Variants in NEK11 observed in about 807,000 individuals in gnomAD.
NEK11 encodes the protein NIMA related kinase 11, also known as serine/threonine-protein kinase Nek11.
NEK11 carries 72 observed loss-of-function variants against 80.7 expected under a neutral mutation model. That is an observed-to-expected ratio of 0.89 (90% CI 0.74 to 1.08). NEK11 has a LOEUF of 1.08. Among genes scored for constraint, NEK11 ranks in the 50% least tolerant of loss-of-function variants. The probability of loss-of-function intolerance (pLI) is 0.00; values close to 1 mark genes in which losing one functional copy is unlikely to be tolerated. For synonymous variants in NEK11, 251 were observed against 260.7 expected (o/e 0.96, Z 0.36); for missense variants, 764 against 763.6 (o/e 1.00, Z -0.01).
intron 5 of NEK11, among the ~76,000 whole-genome samples, chr3:131,122,476 G>A (rs2082554749): frequency 6.6e-6 from 1 of 152,196 alleles, no homozygotes; most frequent in African/African-American, 2.4e-5. Context: ...TGTTAGTGAG[G>A]GGAATGAGAC....
rs376748739 is a variant in NEK11 at position 131,198,599 on chromosome 3, G to A, written c.1399+27712G>A. 1.6e-4 allele frequency among the ~76,000 whole-genome samples: 24 copies of A among 152,240 alleles called. No individual in the cohort carries two copies. The South Asian group carries it at 1.9e-3, about 12-fold the overall frequency. On this transcript the variant is annotated intron_variant, in intron 14 of 17. Transcript: ENST00000383366. ...AAGACTGCTACTGTCGCCAATACCC[G>A]TAAACAATGTGGCCAACTCTTTGCC... is the stretch of plus-strand genomic sequence containing the variant.
chr3:131,326,440 T>C (rs2096967714), intron 17 of NEK11, among the ~76,000 whole-genome samples: 1 of 152,172 alleles, frequency 6.6e-6, no homozygotes, highest in Non-Finnish European at 1.5e-5. Flanking sequence ...CCCACCACAG[T>C]TGGTGACTCT....
At chr3:131,312,985 C>G (rs2096796676) in intron 17 of NEK11, among the ~76,000 whole-genome samples, 1 of 152,108 alleles carries the variant, frequency 6.6e-6, no homozygotes, top group Non-Finnish European at 1.5e-5. Flanking sequence ...CCACCCTCCA[C>G]CTTCTAGTAG....
At chr3:131,317,943 C>T (rs1460021143) in intron 17 of NEK11, among the ~76,000 whole-genome samples, 2 of 152,064 alleles carry the variant, frequency 1.3e-5, no homozygotes, top group African/African-American at 4.8e-5. Context: ...CTCAGTATGT[C>T]TGACTTGCTC....
chr3:131,113,709 G>C lies in NEK11; in HGVS notation c.455+3788G>C, dbSNP rs7636723. Among the ~76,000 whole-genome samples the C allele has an allele frequency of 8.0e-3, 1,223 of 152,130 alleles. 21 individuals carry two copies. Among genetic ancestry groups the C allele is most frequent in the African/African-American group, 0.028 (1,157 of 41,508 alleles). On this transcript the variant is annotated intron_variant, in intron 5 of 17. Coordinates refer to ENST00000383366, the MANE Select transcript of NEK11 (RefSeq NM_024800.5). ...GGGTGGATCACAAGGTTAGGAGTTT[G>C]AGACTAGCCTGGCCGACATAGTGAA...
At chr3:131,307,609 C>A (rs1018896725) in intron 17 of NEK11, among the ~76,000 whole-genome samples, 1 of 152,086 alleles carries the variant, frequency 6.6e-6, no homozygotes, top group African/African-American at 2.4e-5. Context: ...GTGTGCTGAC[C>A]ATAGTTGTTG....
chr3:131,065,505 A>G (rs2071753058), intron 3 of NEK11, among the ~76,000 whole-genome samples: 1 of 152,188 alleles, frequency 6.6e-6, no homozygotes, highest in African/African-American at 2.4e-5. Flanking sequence ...AAGTGTAATG[A>G]TACTAAAATC....
intron 3 of NEK11, among the ~76,000 whole-genome samples, chr3:131,057,156 A>C (rs1200784983): frequency 6.7e-6 from 1 of 149,486 alleles, no homozygotes; most frequent in Non-Finnish European, 1.5e-5. Flanking sequence ...TTTGTCCTTG[A>C]GATAGTTTGC....
intron 4 of NEK11, among the ~76,000 whole-genome samples, chr3:131,095,214 G>A (rs1311273414): frequency 1.3e-5 from 2 of 152,158 alleles, no homozygotes; most frequent in East Asian, 3.9e-4. Context: ...CAATTAATTG[G>A]TGTTCTGCTT....
Position 131,200,332 on chromosome 3 carries a change from A to C in NEK11, c.1400-28196A>C, listed in dbSNP as rs539642214. On this transcript the variant is annotated intron_variant, in intron 14 of 17. Transcript: ENST00000383366. ...AAAAATGTAAAAGTTTGATAATACC[A>C]AGTGTTGTTAAGGATGTGGAACTAC... is the stretch of plus-strand genomic sequence containing the variant. Among the ~76,000 whole-genome samples, 68 of 152,354 alleles carry C rather than the reference A, an allele frequency of 4.5e-4. 1 individual carries two copies. The highest frequency in any genetic ancestry group is 1.4e-3 in the Admixed American group (22 of 15,302).
chr3:131,125,846 A>AC (rs2083240214), intron 5 of NEK11, among the ~76,000 whole-genome samples: 1 of 152,236 alleles, frequency 6.6e-6, no homozygotes, highest in African/African-American at 2.4e-5. Flanking sequence ...ATATTAATAG[A>AC]AATGTGGCTC....
At chr3:131,292,264 GTTTCAT>G (rs2096551535) in intron 17 of NEK11, among the ~76,000 whole-genome samples, 1 of 152,124 alleles carries the variant, frequency 6.6e-6, no homozygotes, top group Non-Finnish European at 1.5e-5. Flanking sequence ...TTTCTGTTCT[GTTTCAT>G]TGATCTATTT....
intron 14 of NEK11, 99 bp from the exon 15 acceptor site, chr3:131,228,429 A>T (rs3737999): frequency 1.8e-6 from 2 of 1,088,286 alleles, no homozygotes; most frequent in Non-Finnish European, 2.6e-6. Flanking sequence ...AGCTTTGTCA[A>T]CGCAAGCAAA....
chr3:131,196,850 T>TC lies in NEK11; in HGVS notation c.1399+25963_1399+25964insC, dbSNP rs1299099743. On this transcript the variant is annotated intron_variant, in intron 14 of 17. Transcript: ENST00000383366. ...AAATTTCTTTTCTTTTCTTTTCTTTTTTTTTTTTTTTGCTGTTGCAAGATT... is the reference window on the plus strand; with the variant it reads ...AAATTTCTTTTCTTTTCTTTTCTTTTCTTTTTTTTTTTGCTGTTGCAAGATT... 7.9e-5 allele frequency among the ~76,000 whole-genome samples: 12 copies of TC among 151,120 alleles called. No individual in the cohort carries two copies. In the South Asian group the frequency reaches 1.7e-3, roughly 21 times the overall value.
chr3:131,200,448 A>G (rs1184470644), intron 14 of NEK11, among the ~76,000 whole-genome samples: 2 of 152,210 alleles, frequency 1.3e-5, no homozygotes, highest in African/African-American at 2.4e-5. Flanking sequence ...ATAAAGATGC[A>G]TACCCTATGA....
At position 131,333,476 on chromosome 3, in the gene NEK11, A is replaced by C. The variant is rs556283834; in HGVS notation, c.1719-16081A>C. ...AGAGCTCCTGAAGGAAGCACTAAAC[A>C]TGGAAAGGAACAACCGGTACCAGCC... On this transcript the variant is annotated intron_variant, in intron 17 of 17. Coordinates refer to ENST00000383366, the MANE Select transcript of NEK11 (RefSeq NM_024800.5). 2.0e-3 allele frequency among the ~76,000 whole-genome samples: 300 copies of C among 152,312 alleles called. 1 individual carries two copies. The highest frequency in any genetic ancestry group is 7.0e-3 in the African/African-American group (291 of 41,564).
At chr3:131,124,518 C>T (rs1289966430) in intron 5 of NEK11, among the ~76,000 whole-genome samples, 1 of 152,016 alleles carries the variant, frequency 6.6e-6, no homozygotes, top group Non-Finnish European at 1.5e-5. Flanking sequence ...ACTTCCTTTA[C>T]CTAACAGGTC....
At chr3:131,290,859 C>T (rs1271772875) in intron 17 of NEK11, among the ~76,000 whole-genome samples, 2 of 152,106 alleles carry the variant, frequency 1.3e-5, no homozygotes, top group African/African-American at 4.8e-5. Flanking sequence ...CTCCTGCCCC[C>T]ACACATGCAT....
intron 3 of NEK11, among the ~76,000 whole-genome samples, chr3:131,039,157 G>A (rs1421960493): frequency 6.6e-6 from 1 of 151,552 alleles, no homozygotes; most frequent in East Asian, 1.9e-4. Context: ...AAATTTGATG[G>A]GTGTAGTCTA....
Sources: allele counts gnomAD v4.1 joint callset (sites outside exome capture counted in the v4.1 genomes callset), GRCh38; gene constraint gnomAD v4.1.1; transcripts MANE v1.5; gene names NCBI Gene and HGNC (gene_info 2026-07-23, HGNC 2026-07-21).